TBL1XR1: variants seen among roughly 807,000 people sequenced by gnomAD.
The protein encoded by TBL1XR1 is F-box-like/WD repeat-containing protein TBL1XR1.
Under a neutral mutation model 66.9 loss-of-function variants are expected in TBL1XR1, and 5 were observed. The ratio of observed to expected loss-of-function variants is 0.07; its 90% CI spans 0.04 to 0.16. TBL1XR1 has a LOEUF of 0.16. Among genes scored for constraint, TBL1XR1 ranks in the 10% least tolerant of loss-of-function variants. The probability of loss-of-function intolerance (pLI) is 1.00; values close to 1 mark genes in which losing one functional copy is unlikely to be tolerated. For missense variants in TBL1XR1, 238 were observed against 623.2 expected, an observed-to-expected ratio of 0.38 and a Z score of 6.58; for synonymous variants, 210 against 206.0, an observed-to-expected ratio of 1.02 and a Z score of -0.17.
chr3:177,176,993 G>GA, intron 1 of TBL1XR1, among the ~76,000 whole-genome samples: 1 of 151,996 alleles, frequency 6.6e-6, no homozygotes, highest in Non-Finnish European at 1.5e-5. Flanking sequence ...TTTGAAAAAG[G>GA]AAAATAGCAG....
intron 1 of TBL1XR1, among the ~76,000 whole-genome samples, chr3:177,155,629 T>C (rs1490318632): frequency 6.6e-6 from 1 of 152,236 alleles, no homozygotes; most frequent in Admixed American, 6.5e-5. Flanking sequence ...GATAGTTTTT[T>C]TCTTTTTTCC....
upstream of TBL1XR1, among the ~76,000 whole-genome samples, chr3:177,199,369 T>C (rs1481215549): frequency 6.8e-5 from 9 of 132,808 alleles, no homozygotes; most frequent in East Asian, 1.7e-3. Flanking sequence ...AAAGAGTATA[T>C]AGTATCTTCC....
intron 1 of TBL1XR1, among the ~76,000 whole-genome samples, chr3:177,153,035 G>T (rs529572202): frequency 1.3e-5 from 2 of 152,252 alleles, no homozygotes; most frequent in Admixed American, 1.3e-4. Flanking sequence ...CAGCTACTGG[G>T]AAGGCTGAGG....
At chr3:177,116,511 C>G (rs529484061) in intron 1 of TBL1XR1, among the ~76,000 whole-genome samples, 1 of 152,324 alleles carries the variant, frequency 6.6e-6, no homozygotes, top group African/African-American at 2.4e-5. Context: ...TCACTCACAT[C>G]CTACTAACCA....
At chr3:177,184,731 G>A (rs1735206943) in intron 1 of TBL1XR1, among the ~76,000 whole-genome samples, 2 of 151,968 alleles carry the variant, frequency 1.3e-5, no homozygotes, top group African/African-American at 2.4e-5. Context: ...AACCCTGGAG[G>A]CAGAGGCTGC....
intron 1 of TBL1XR1, among the ~76,000 whole-genome samples, chr3:177,145,621 A>G (rs1422292404): frequency 6.6e-6 from 1 of 152,270 alleles, no homozygotes; most frequent in Admixed American, 6.5e-5. Context: ...ATGTACTTGA[A>G]AAGTGAAACA....
In TBL1XR1 at chr3:177,089,580, C is replaced by T. The variant is rs190940343; in HGVS notation, c.-46+8886G>A. ...TCTCCACAGGAACTTTCTAGATCCA[C>T]CTCTCCAATAAAGGGTTATAATCAA... On this transcript the variant is annotated intron_variant, in intron 2 of 15. Coordinates refer to ENST00000457928, the MANE Select transcript of TBL1XR1 (RefSeq NM_024665.7). Among the ~76,000 whole-genome samples, 363 of 152,304 alleles carry T rather than the reference C, an allele frequency of 2.4e-3. 1 individual carries two copies. The highest frequency in any genetic ancestry group is 8.4e-3 in the African/African-American group (349 of 41,564).
chr3:177,035,506 C>G (rs552948514), intron 12 of TBL1XR1, among the ~76,000 whole-genome samples: 228 of 151,858 alleles, frequency 1.5e-3, no homozygotes, highest in African/African-American at 5.4e-3. Context: ...CTCCGTCCCC[C>G]GGGTTCACGC....
chr3:177,111,347 A>G (rs1232447723), intron 1 of TBL1XR1, among the ~76,000 whole-genome samples: 1 of 150,054 alleles, frequency 6.7e-6, no homozygotes, highest in Non-Finnish European at 1.5e-5. Flanking sequence ...ATCTCGGCTC[A>G]CTGCAACCTC....
In TBL1XR1 at chr3:177,196,677, G is replaced by A. The variant is rs551745638; in HGVS notation, c.-122+444C>T. On this transcript the variant is annotated intron_variant, in intron 1 of 15. Coordinates refer to ENST00000457928, the MANE Select transcript of TBL1XR1 (RefSeq NM_024665.7). ...CCTCTGCTAAAAATAGGCTATAAAG[G>A]AGTCGGCCTCATGATGGCTCCTTGA... is the stretch of plus-strand genomic sequence containing the variant. Among the ~76,000 whole-genome samples the A allele has an allele frequency of 3.9e-5, 6 of 151,966 alleles. No individual in the cohort carries two copies. In the East Asian group the frequency reaches 5.8e-4, roughly 15 times the overall value.
At chr3:177,185,569 T>C (rs76816627) in intron 1 of TBL1XR1, among the ~76,000 whole-genome samples, 4,114 of 151,910 alleles carry the variant, frequency 0.027, 197 homozygotes, top group African/African-American at 0.095. Context: ...ATCAACGCCA[T>C]TGCACTCCAG....
At chr3:177,181,668 G>A (rs1734840049) in intron 1 of TBL1XR1, among the ~76,000 whole-genome samples, 1 of 152,086 alleles carries the variant, frequency 6.6e-6, no homozygotes, top group Non-Finnish European at 1.5e-5. Flanking sequence ...AAAGGACACA[G>A]AGTATACACA....
chr3:177,118,806 T>C (rs1313138604), intron 1 of TBL1XR1, among the ~76,000 whole-genome samples: 1 of 137,006 alleles, frequency 7.3e-6, no homozygotes, highest in East Asian at 2.2e-4. Context: ...TGTCAGTTTC[T>C]CAAACTGAAC....
At chr3:177,034,943 G>GAA (rs56207108) in intron 12 of TBL1XR1, among the ~76,000 whole-genome samples, 39 of 149,590 alleles carry the variant, frequency 2.6e-4, no homozygotes, top group East Asian at 2.1e-3. Flanking sequence ...GTATTTCTGG[G>GAA]AAAAAAAAAA....
At chr3:177,199,385 T>C (rs1046782410), upstream of TBL1XR1, among the ~76,000 whole-genome samples, 14 of 152,046 alleles carry the variant, frequency 9.2e-5, no homozygotes, top group African/African-American at 2.7e-4. Flanking sequence ...CTTCCTTTTT[T>C]TTTTTTTGAG....
intron 1 of TBL1XR1, among the ~76,000 whole-genome samples, chr3:177,121,720 T>C (rs1267373727): frequency 6.6e-6 from 1 of 152,160 alleles, no homozygotes; most frequent in African/African-American, 2.4e-5. Context: ...ACATGGGAAA[T>C]GAAACTCACA....
chr3:177,134,056 G>A (rs193157394), intron 1 of TBL1XR1, among the ~76,000 whole-genome samples: 1 of 151,910 alleles, frequency 6.6e-6, no homozygotes, highest in Non-Finnish European at 1.5e-5. Context: ...ACTCCAGCTA[G>A]GCAAATCAGA....
chr3:177,053,578 T>C (rs951156304), intron 4 of TBL1XR1, among the ~76,000 whole-genome samples, 195 bp downstream of exon 4: 1 of 152,148 alleles, frequency 6.6e-6, no homozygotes, highest in Non-Finnish European at 1.5e-5. Flanking sequence ...GCAAACAAAC[T>C]ACAGATAATG....
At chr3:177,092,883 A>G (rs931003566) in intron 2 of TBL1XR1, among the ~76,000 whole-genome samples, 2 of 152,154 alleles carry the variant, frequency 1.3e-5, no homozygotes, top group Admixed American at 6.6e-5. Context: ...GAAGCAACCC[A>G]AATGTCTACC....
Sources: allele counts gnomAD v4.1 joint callset (sites outside exome capture counted in the v4.1 genomes callset), GRCh38; gene constraint gnomAD v4.1.1; transcripts MANE v1.5; gene names NCBI Gene and HGNC (gene_info 2026-07-23, HGNC 2026-07-21).